Variants in KHDRBS2 observed in about 807,000 individuals in gnomAD.
The protein encoded by KHDRBS2 is KH RNA binding domain containing, signal transduction associated 2.
In KHDRBS2, 26 loss-of-function variants were observed where a neutral mutation model predicts 44.3. The observed-to-expected ratio is 0.59, with a 90% confidence interval of 0.43 to 0.81. The LOEUF (loss-of-function observed/expected upper bound fraction) is 0.81. Among genes scored for constraint, KHDRBS2 ranks in the 40% least tolerant of loss-of-function variants. The probability of loss-of-function intolerance (pLI) is 0.00; values close to 1 mark genes in which losing one functional copy is unlikely to be tolerated. For missense variants in KHDRBS2, 476 were observed against 433.1 expected, an observed-to-expected ratio of 1.10 and a Z score of -0.88; for synonymous variants, 194 against 151.1, an observed-to-expected ratio of 1.28 and a Z score of -2.08.
the KHDRBS2 span, among the ~76,000 whole-genome samples, chr6:61,615,223 ACTCCATCTCC>A: frequency 0.029 from 3,169 of 108,236 alleles, 132 homozygotes; most frequent in Non-Finnish European, 0.047. Context: ...ACAGAGCAAG[ACTCCATCTCC>A]AAAAAAAAAA....
intron 7 of KHDRBS2, among the ~76,000 whole-genome samples, chr6:61,712,320 T>C (rs17835977): frequency 0.18 from 27,817 of 151,768 alleles, 2,679 homozygotes; most frequent in Non-Finnish European, 0.2. Flanking sequence ...CTCTACCGCA[T>C]TCTGGGTTGG....
chr6:61,673,830 G>A, the KHDRBS2 span, among the ~76,000 whole-genome samples: 2,262 of 143,290 alleles, frequency 0.016, 26 homozygotes, highest in Non-Finnish European at 0.025. Flanking sequence ...AATCAATATC[G>A]TGAAAATGGC....
intron 4 of KHDRBS2, among the ~76,000 whole-genome samples, chr6:61,908,044 G>A (rs1199954781): frequency 6.6e-6 from 1 of 152,072 alleles, no homozygotes; most frequent in Non-Finnish European, 1.5e-5. Context: ...AGTGGTTATA[G>A]TTTTATAGCA....
chr6:61,932,707 TG>T (rs1810301094), intron 4 of KHDRBS2, among the ~76,000 whole-genome samples: 1 of 152,020 alleles, frequency 6.6e-6, no homozygotes, highest in Non-Finnish European at 1.5e-5. Flanking sequence ...GGCAGGAGAA[TG>T]GCGTGAACCG....
intron 6 of KHDRBS2, among the ~76,000 whole-genome samples, chr6:61,826,557 A>G (rs1052300251): frequency 3.3e-5 from 5 of 152,004 alleles, no homozygotes; most frequent in African/African-American, 1.2e-4. Context: ...CCTAGTTGAA[A>G]TGGACCCTTT....
intron 6 of KHDRBS2, among the ~76,000 whole-genome samples, chr6:61,786,939 A>T (rs1783912022): frequency 1.3e-5 from 2 of 151,494 alleles, no homozygotes; most frequent in African/African-American, 2.4e-5. Context: ...ATAACAATTT[A>T]AAAAATGTTT....
Position 62,177,272 on chromosome 6 carries a change from G to T in KHDRBS2, c.132C>A (p.Asp44Glu), listed in dbSNP as rs563688261. ...TGACATCAAGATACTTCTTTTCTTC[G>T]TCTTCCTTTTTTCCATCAGAACCTT... ...KFQGSDGKKEDEEKKYLDVIS... is the reference protein window; with the variant it reads ...KFQGSDGKKEEEEKKYLDVIS... Residue 44 changes from aspartate to glutamate, a missense_variant, in exon 2 of 9, where the codon GAC (aspartate) becomes GAA (glutamate). Physicochemically the swap from Asp to Glu is conservative, Grantham distance 45. Coordinates refer to ENST00000281156, the MANE Select transcript of KHDRBS2 (RefSeq NM_152688.4). The T allele has an allele frequency of 1.8e-5, 28 of 1,599,706 alleles. No individual in the cohort carries two copies. The East Asian group carries it at 5.2e-4, about 30-fold the overall frequency.
At chr6:62,238,664 A>T (rs1442450137) in intron 1 of KHDRBS2, among the ~76,000 whole-genome samples, 1 of 150,160 alleles carries the variant, frequency 6.7e-6, no homozygotes, top group Non-Finnish European at 1.5e-5. Flanking sequence ...AGATGACTGG[A>T]TGAAAGGCTT....
In KHDRBS2 at chr6:62,156,936, C is replaced by T. The variant is rs571018597; in HGVS notation, c.219+20249G>A. On this transcript the variant is annotated intron_variant, in intron 2 of 8. Transcript: ENST00000281156. ...TCCGGACCTCGTGATCCGCCCGCCT[C>T]GGCCTCCCAAAGTGCTGGGATTACA... is the stretch of plus-strand genomic sequence containing the variant. 8.4e-3 allele frequency among the ~76,000 whole-genome samples: 1,257 copies of T among 150,384 alleles called. 19 individuals carry two copies. The highest frequency in any genetic ancestry group is 0.029 in the African/African-American group (1,170 of 41,018).
intron 1 of KHDRBS2, among the ~76,000 whole-genome samples, chr6:62,253,845 A>G (rs1278171249): frequency 6.6e-6 from 1 of 151,958 alleles, no homozygotes; most frequent in Non-Finnish European, 1.5e-5. Flanking sequence ...TTATTGCAAA[A>G]TCATAAAATT....
At chr6:62,058,425 T>A (rs910898409) in intron 2 of KHDRBS2, among the ~76,000 whole-genome samples, 9 of 151,934 alleles carry the variant, frequency 5.9e-5, no homozygotes, top group Admixed American at 2.0e-4. Flanking sequence ...ATCTCCTTTT[T>A]AATCAGTGGG....
the KHDRBS2 span, among the ~76,000 whole-genome samples, chr6:61,584,607 G>A: frequency 4.6e-5 from 7 of 151,622 alleles, no homozygotes; most frequent in Non-Finnish European, 8.9e-5. Flanking sequence ...AAGGATTTAG[G>A]CATCTACAAT....
chr6:61,721,420 G>A (rs971686553), intron 7 of KHDRBS2, among the ~76,000 whole-genome samples: 4 of 150,912 alleles, frequency 2.7e-5, no homozygotes, highest in African/African-American at 9.7e-5. Context: ...AGCATGGAAT[G>A]TTCTTCCATT....
chr6:61,599,193 C>T, the KHDRBS2 span, among the ~76,000 whole-genome samples: 1 of 152,086 alleles, frequency 6.6e-6, no homozygotes, highest in Admixed American at 6.6e-5. Flanking sequence ...CTCGGCCTCC[C>T]AAAGTGCTGG....
chr6:61,817,133 C>T, intron 6 of KHDRBS2: 1 of 329,494 alleles, frequency 3.0e-6, no homozygotes, highest in Admixed American at 3.6e-5. Context: ...GTAAATGCTG[C>T]CCACTGAATG....
At chr6:61,696,674 TTTAA>T (rs1456675671) in intron 8 of KHDRBS2, among the ~76,000 whole-genome samples, 1 of 152,134 alleles carries the variant, frequency 6.6e-6, no homozygotes. Context: ...TAAGTGGCAT[TTTAA>T]TTAAGGAATA....
intron 6 of KHDRBS2, among the ~76,000 whole-genome samples, chr6:61,764,143 T>C (rs1332075292): frequency 6.6e-6 from 1 of 152,182 alleles, no homozygotes; most frequent in Admixed American, 6.5e-5. Flanking sequence ...TCCATCCATG[T>C]CCCTGCAAAA....
intron 1 of KHDRBS2, among the ~76,000 whole-genome samples, chr6:62,256,648 G>A (rs1386424417): frequency 1.3e-5 from 2 of 151,932 alleles, no homozygotes; most frequent in African/African-American, 2.4e-5. Context: ...ACATGAAAAC[G>A]GACTAATACA....
chr6:62,159,544 G>T (rs1336114988), intron 2 of KHDRBS2, among the ~76,000 whole-genome samples: 1 of 152,054 alleles, frequency 6.6e-6, no homozygotes, highest in African/African-American at 2.4e-5. Context: ...GTATCTTAGA[G>T]AAGAGACTAC....
Sources: allele counts gnomAD v4.1 joint callset (sites outside exome capture counted in the v4.1 genomes callset), GRCh38; gene constraint gnomAD v4.1.1; transcripts MANE v1.5; gene names NCBI Gene and HGNC (gene_info 2026-07-23, HGNC 2026-07-21).